Variants in COPZ1 observed in about 807,000 individuals in gnomAD.
COPZ1 encodes the protein coatomer subunit zeta-1.
In COPZ1, 4 loss-of-function variants were observed where a neutral mutation model predicts 31.7. That is an observed-to-expected ratio of 0.13 (90% confidence interval 0.06 to 0.29). The LOEUF is 0.29. COPZ1 is among the 10% of genes least tolerant of loss of function. The pLI is 1.00. For synonymous variants in COPZ1, 74 were observed against 79.0 expected, an observed-to-expected ratio of 0.94 and a Z score of 0.33; for missense variants, 156 against 211.5, an observed-to-expected ratio of 0.74 and a Z score of 1.63.
In COPZ1 at chr12:54,341,865, A is replaced by G. The variant is rs116610318; in HGVS notation, c.88-341A>G. ...GTGTTCTCTGGCACTGCTTCCTGAC[A>G]TGGGGTAGCTCCTAGGAAACACTTG... is the stretch of plus-strand genomic sequence containing the variant. On this transcript the variant is annotated intron_variant, in intron 2 of 8. Coordinates refer to ENST00000262061, the MANE Select transcript of COPZ1 (RefSeq NM_016057.3). Among the ~76,000 whole-genome samples, 365 of 152,242 alleles carry G rather than the reference A, an allele frequency of 2.4e-3. 3 individuals carry two copies. Among genetic ancestry groups the G allele is most frequent in the African/African-American group, 8.6e-3 (356 of 41,538 alleles).
chr12:54,326,370 G>C (rs1169108493), intron 1 of COPZ1, among the ~76,000 whole-genome samples: 2 of 143,902 alleles, frequency 1.4e-5, no homozygotes, highest in African/African-American at 5.2e-5. Flanking sequence ...TCGATCTCCT[G>C]ACCTCGTAAT....
At chr12:54,325,215 T>C (rs557293911) in intron 1 of COPZ1, 34 bp downstream of exon 1, 2 of 1,552,538 alleles carry the variant, frequency 1.3e-6, no homozygotes, top group African/African-American at 1.4e-5. Context: ...GATGCTGTGG[T>C]GTCCACAGGG....
At chr12:54,343,393 G>A (rs1177812432) in intron 4 of COPZ1, 77 bp downstream of exon 4, 5 of 1,209,244 alleles carry the variant, frequency 4.1e-6, no homozygotes, top group Non-Finnish European at 6.1e-6. Flanking sequence ...ACTGGTTTGG[G>A]GCCCTAATAG....
chr12:54,339,504 C>T (rs1466900763), intron 1 of COPZ1, among the ~76,000 whole-genome samples: 2 of 152,074 alleles, frequency 1.3e-5, no homozygotes, highest in Non-Finnish European at 2.9e-5. Flanking sequence ...CACGCCACCA[C>T]ACCTGGCTAA....
intron 1 of COPZ1, 181 bp from the exon 2 acceptor site, chr12:54,340,366 C>G (rs898777181): frequency 1.1e-6 from 1 of 921,508 alleles, no homozygotes; most frequent in African/African-American, 1.7e-5. Context: ...TCTGTCAATT[C>G]AGTTTACTTA....
chr12:54,341,534 T>A (rs1259192231), intron 2 of COPZ1, among the ~76,000 whole-genome samples: 1 of 152,204 alleles, frequency 6.6e-6, no homozygotes, highest in African/African-American at 2.4e-5. Context: ...GGACACCTTT[T>A]GAAACAGTTA....
At chr12:54,348,885 G>A (rs1954104667) in intron 7 of COPZ1, among the ~76,000 whole-genome samples, 1 of 152,144 alleles carries the variant, frequency 6.6e-6, no homozygotes, top group South Asian at 2.1e-4. Context: ...ACCATAGAAG[G>A]CCCCAGGTCA....
intron 1 of COPZ1, among the ~76,000 whole-genome samples, chr12:54,332,474 C>T (rs1017413394): frequency 6.6e-5 from 10 of 151,520 alleles, no homozygotes; most frequent in African/African-American, 1.5e-4. Flanking sequence ...TGGTAGCTCA[C>T]GCGTGTAATC....
chr12:54,346,914 C>G (rs1207784816), intron 5 of COPZ1, among the ~76,000 whole-genome samples: 1 of 152,156 alleles, frequency 6.6e-6, no homozygotes, highest in Non-Finnish European at 1.5e-5. Flanking sequence ...TCCTCCCTTT[C>G]CACCTTCCCA....
chr12:54,340,604 C>G lies in COPZ1; in HGVS notation c.76C>G (p.Leu26Val). 2 of 1,613,708 alleles carry G rather than the reference C, an allele frequency of 1.2e-6. No homozygotes were observed. Among genetic ancestry groups the G allele is most frequent in the Non-Finnish European group, 1.7e-6 (2 of 1,179,872 alleles). ...GATTCTGGACAATGATGGAGATCGA[C>G]TTTTTGCCAAGGTGAGATTCCCTTT... ...ILILDNDGDR[L>V]FAKYYDDTYP... The change falls in exon 2 of 9, where the codon CTT (leucine) becomes GTT (valine). Residue 26 changes from leucine (L) to valine (V), a missense_variant. Coordinates refer to ENST00000262061, the MANE Select transcript of COPZ1 (RefSeq NM_016057.3).
intron 2 of COPZ1, among the ~76,000 whole-genome samples, chr12:54,341,758 G>A (rs1468649667): frequency 1.3e-5 from 2 of 152,192 alleles, no homozygotes; most frequent in Non-Finnish European, 2.9e-5. Flanking sequence ...TTTGGAGGAG[G>A]TTTTTGTAGC....
At chr12:54,338,519 C>G (rs1330691748) in intron 1 of COPZ1, among the ~76,000 whole-genome samples, 2 of 152,176 alleles carry the variant, frequency 1.3e-5, no homozygotes, top group African/African-American at 4.8e-5. Flanking sequence ...ATGGACATCT[C>G]TAAGGAGTGT....
chr12:54,348,250 C>T, intron 7 of COPZ1, 199 bp downstream of exon 7: 1 of 588,870 alleles, frequency 1.7e-6, no homozygotes, highest in East Asian at 2.8e-5. Flanking sequence ...TTATTTCTAC[C>T]CCTAATATGG....
chr12:54,343,184 T>C, intron 3 of COPZ1, 41 bp from the exon 4 acceptor site: 1 of 1,508,438 alleles, frequency 6.6e-7, no homozygotes, highest in East Asian at 2.3e-5. Flanking sequence ...TACTTCCTTA[T>C]CTCAAGCCAC....
At chr12:54,347,523 C>A (rs564468394) in intron 5 of COPZ1, among the ~76,000 whole-genome samples, 1 of 152,304 alleles carries the variant, frequency 6.6e-6, no homozygotes, top group East Asian at 1.9e-4. Context: ...CGTGGATAAT[C>A]AACCCCTGAA....
intron 1 of COPZ1, among the ~76,000 whole-genome samples, chr12:54,335,112 T>G (rs1381948455): frequency 2.7e-5 from 4 of 150,376 alleles, no homozygotes; most frequent in Non-Finnish European, 5.9e-5. Flanking sequence ...AGGCGGAGGT[T>G]GCAGTGAGCC....
At chr12:54,342,637 G>A (rs1283899303) in intron 3 of COPZ1, 3 of 280,392 alleles carry the variant, frequency 1.1e-5, no homozygotes, top group African/African-American at 6.7e-5. Context: ...GGATCGACTA[G>A]TATCCTGTCT....
chr12:54,351,810 T>C lies in COPZ1; in HGVS notation c.*1287T>C, dbSNP rs1395188021. On this transcript the variant is annotated 3_prime_UTR_variant, in exon 9 of 9. Transcript: ENST00000262061. ...TCAGGAGAAAACCACCTTCATAAAC[T>C]GCTCTGTGCAAAGAGGAATAAAACA... 6.6e-6 allele frequency: 1 copy of C among 152,222 alleles called. No individual in the cohort carries two copies. Among genetic ancestry groups the C allele is most frequent in the Non-Finnish European group, 1.5e-5 (1 of 68,038 alleles). 9.4% of individuals were successfully genotyped at this position (152,222 alleles called of 1,614,324 possible).
At position 54,345,626 on chromosome 12, in the gene COPZ1, G is replaced by T. The variant is rs1012358227; in HGVS notation, c.317+111G>T. On this transcript the variant is annotated intron_variant, in intron 5 of 8. Transcript: ENST00000262061. ...CATTCTTCAGGCCCAGGGATTGTAG[G>T]GGATTGGCAAAGGCTCCAGGGAGTT... 4.8e-5 allele frequency: 42 copies of T among 870,256 alleles called. 1 individual carries two copies. The highest frequency in any genetic ancestry group is 2.8e-4 in the South Asian group (19 of 67,914). The allele number at this position is 870,256 out of a possible 1,614,324, so 53.9% of individuals were successfully genotyped here.
Sources: gnomAD v4.1 joint callset for allele counts (sites outside exome capture counted in the v4.1 genomes callset) on GRCh38, gnomAD v4.1.1 for gene constraint, MANE v1.5 for transcripts, NCBI Gene and HGNC (gene_info 2026-07-23, HGNC 2026-07-21) for gene names.